Variants in STIL observed in about 807,000 individuals in gnomAD.
The protein encoded by STIL is SCL-interrupting locus protein.
In STIL, 55 loss-of-function variants were observed where a neutral mutation model predicts 110.1. The observed-to-expected ratio is 0.50, with a 90% CI of 0.40 to 0.63. The LOEUF is 0.63. Ranked by LOEUF, STIL falls within the 20% of genes least tolerant of loss-of-function variation. The pLI is 0.00. For missense variants in STIL, 1,358 were observed against 1,530.0 expected, an observed-to-expected ratio of 0.89 and a Z score of 1.87; for synonymous variants, 481 against 530.0, an observed-to-expected ratio of 0.91 and a Z score of 1.27.
At chr1:47,277,815 C>G (rs895119216) in intron 12 of STIL, among the ~76,000 whole-genome samples, 1 of 151,900 alleles carries the variant, frequency 6.6e-6, no homozygotes, top group South Asian at 2.1e-4. Flanking sequence ...GAACTCCATA[C>G]AACTTTGCCA....
intron 12 of STIL, among the ~76,000 whole-genome samples, chr1:47,273,437 T>G (rs948210941): frequency 6.6e-6 from 1 of 152,232 alleles, no homozygotes; most frequent in African/African-American, 2.4e-5. Flanking sequence ...GGACATTTCA[T>G]ATAAACAGTA....
Position 47,281,054 on chromosome 1 carries a change from C to A in STIL, c.1404G>T (p.Gln468His), listed in dbSNP as rs748455762. The A allele has an allele frequency of 2.5e-6, 4 of 1,614,088 alleles. No individual in the cohort carries two copies. Among genetic ancestry groups the A allele is most frequent in the African/African-American group, 1.3e-5 (1 of 75,008 alleles). Reference sequence around the variant, plus strand: ...CTGGACTGTGTTTCTCATCATAAAGCTGGGGTTGCAATGGCTTCAAGTGTT... The same window carrying A: ...CTGGACTGTGTTTCTCATCATAAAGATGGGGTTGCAATGGCTTCAAGTGTT... Reference protein sequence around the residue: ...HLEHLKPLQPQLYDEKHSPEV... With the variant: ...HLEHLKPLQPHLYDEKHSPEV... The change falls in exon 12 of 17, where the codon CAG becomes CAT. Residue 468 changes from glutamine to histidine, a missense_variant. By Grantham distance (24) the Gln-to-His change is conservative. Transcript: ENST00000371877.
intron 12 of STIL, among the ~76,000 whole-genome samples, chr1:47,273,924 G>C (rs1400481020): frequency 2.6e-5 from 4 of 152,048 alleles, no homozygotes; most frequent in Non-Finnish European, 5.9e-5. Flanking sequence ...GTACAGCTTT[G>C]GTATCATGTG....
chr1:47,285,919 G>A (rs13374419), intron 10 of STIL, among the ~76,000 whole-genome samples: 8,593 of 151,922 alleles, frequency 0.057, 809 homozygotes, highest in African/African-American at 0.2. Context: ...CTGTTGCCCA[G>A]GCTGAAGTGC....
chr1:47,288,419 C>T (rs1453529922), intron 9 of STIL, among the ~76,000 whole-genome samples: 4 of 151,984 alleles, frequency 2.6e-5, no homozygotes, highest in Admixed American at 2.6e-4. Context: ...GCCTCAGTCT[C>T]CCAAGTAGCT....
rs758472003 is a variant in STIL at position 47,251,890 on chromosome 1, A to G, written c.3113T>C (p.Ile1038Thr). 5.6e-6 allele frequency: 9 copies of G among 1,610,898 alleles called. No individual in the cohort carries two copies. The East Asian group carries it at 2.0e-4, about 36-fold the overall frequency. ...VLACISPEAVISGLNCMSFAN... is the reference protein window; with the variant it reads ...VLACISPEAVTSGLNCMSFAN... Reference sequence around the variant, plus strand: ...AAATGACATGCAGTTTAATCCAGAGATCACTGCTTCTGGGCTGATGCATGC... The same window carrying G: ...AAATGACATGCAGTTTAATCCAGAGGTCACTGCTTCTGGGCTGATGCATGC... The change falls in exon 17 of 17, where the codon ATC (isoleucine) becomes ACC (threonine). Residue 1038 changes from isoleucine (I) to threonine (T), a missense_variant. Coordinates refer to ENST00000371877, the MANE Select transcript of STIL (RefSeq NM_001048166.1).
At chr1:47,254,306 G>A (rs1644269388) in intron 16 of STIL, among the ~76,000 whole-genome samples, 1 of 150,638 alleles carries the variant, frequency 6.6e-6, no homozygotes, top group South Asian at 2.1e-4. Context: ...TAATCTTCTT[G>A]GCATTTAATG....
intron 10 of STIL, chr1:47,283,689 C>T (rs1645211782): frequency 6.6e-6 from 1 of 152,044 alleles, no homozygotes; most frequent in African/African-American, 2.4e-5. Flanking sequence ...ATAAAGAAAC[C>T]TTGAATTAGG....
rs918419172 is a variant in STIL, at chr1:47,260,434, G to C, written c.2935C>G (p.His979Asp). 3 of 1,613,910 alleles carry C rather than the reference G, an allele frequency of 1.9e-6. No homozygotes were observed. Among genetic ancestry groups the C allele is most frequent in the African/African-American group, 2.7e-5 (2 of 74,890 alleles). The change falls in exon 16 of 17, where the codon CAT becomes GAT. Residue 979 changes from histidine to aspartate, a missense_variant. Physicochemically the swap from His to Asp is moderately conservative, Grantham distance 81. Coordinates refer to ENST00000371877, the MANE Select transcript of STIL (RefSeq NM_001048166.1). ...HECTRTQNVY[H>D]TKKKTHHSRL... ...GAATGATGTGTTTTTTTCTTTGTAT[G>C]GTAAACGTTTTGGGTTCTGGTGCAT...
At chr1:47,288,049 A>G (rs1210668753) in intron 9 of STIL, among the ~76,000 whole-genome samples, 3 of 148,188 alleles carry the variant, frequency 2.0e-5, no homozygotes, top group Non-Finnish European at 4.5e-5. Context: ...ACATATATGT[A>G]ATATAATGTA....
chr1:47,283,290 C>A (rs1006327123), intron 10 of STIL: 11 of 152,322 alleles, frequency 7.2e-5, no homozygotes, highest in African/African-American at 2.2e-4. Context: ...TTGCCCTAAA[C>A]CCTGATTGTC....
At chr1:47,288,190 A>G (rs1645362168) in intron 9 of STIL, among the ~76,000 whole-genome samples, 1 of 151,598 alleles carries the variant, frequency 6.6e-6, no homozygotes, top group African/African-American at 2.4e-5. Context: ...TATTTTTCTA[A>G]TAAAGAATGT....
intron 13 of STIL, among the ~76,000 whole-genome samples, chr1:47,270,117 T>C (rs937452444): frequency 6.6e-6 from 1 of 151,666 alleles, no homozygotes; most frequent in African/African-American, 2.4e-5. Context: ...GGTGTGCCTG[T>C]AGTCCCATCT....
intron 16 of STIL, among the ~76,000 whole-genome samples, chr1:47,254,882 T>G (rs1224486711): frequency 2.0e-5 from 3 of 152,156 alleles, no homozygotes; most frequent in Admixed American, 6.6e-5. Context: ...AAAAGATCCA[T>G]AAAGTAGTCA....
At chr1:47,272,011 C>T (rs1263941688) in intron 13 of STIL, 65 bp downstream of exon 13, 1 of 1,561,062 alleles carries the variant, frequency 6.4e-7, no homozygotes, top group African/African-American at 1.4e-5. Context: ...ACATAAAATT[C>T]AAAAACCAGA....
chr1:47,290,026 T>C (rs1645436023), intron 8 of STIL, among the ~76,000 whole-genome samples: 1 of 151,452 alleles, frequency 6.6e-6, no homozygotes, highest in Non-Finnish European at 1.5e-5. Flanking sequence ...TAAAGCATGA[T>C]CAGTAATTGA....
chr1:47,312,366 T>C (rs1646152517), intron 1 of STIL, among the ~76,000 whole-genome samples: 1 of 151,722 alleles, frequency 6.6e-6, no homozygotes, highest in African/African-American at 2.4e-5. Flanking sequence ...GGCGGGCACC[T>C]GTAGTGAACC....
chr1:47,284,815 G>A (rs1267338043), intron 10 of STIL, among the ~76,000 whole-genome samples: 2 of 151,856 alleles, frequency 1.3e-5, no homozygotes, highest in African/African-American at 2.4e-5. Context: ...CCTTGAACCT[G>A]CGAAGTGGAG....
At chr1:47,255,099 C>T (rs150100148) in intron 16 of STIL, among the ~76,000 whole-genome samples, 1 of 151,658 alleles carries the variant, frequency 6.6e-6, no homozygotes, top group African/African-American at 2.4e-5. Flanking sequence ...CAAGGGGCCA[C>T]CCTAGGCAAA....
Sources: gnomAD v4.1 joint callset for allele counts (sites outside exome capture counted in the v4.1 genomes callset) on GRCh38, gnomAD v4.1.1 for gene constraint, MANE v1.5 for transcripts, NCBI Gene and HGNC (gene_info 2026-07-23, HGNC 2026-07-21) for gene names.